DOP1B: variants seen among roughly 807,000 people sequenced by gnomAD.
DOP1B encodes the protein protein DOP1B.
A neutral mutation model predicts 233.5 loss-of-function variants in DOP1B; 174 were observed. The ratio of observed to expected loss-of-function variants is 0.75; its 90% CI spans 0.66 to 0.85. DOP1B has a LOEUF of 0.85. DOP1B is among the 40% of genes least tolerant of loss of function. The pLI is 0.00. For synonymous variants in DOP1B, 1,190 were observed against 1,185.6 expected (o/e 1.00, Z -0.08); for missense variants, 2,652 against 2,846.6 (o/e 0.93, Z 1.56).
At chr21:36,282,534 C>CACTGTCTCT (rs2067429291) in intron 32 of DOP1B, among the ~76,000 whole-genome samples, 1 of 152,178 alleles carries the variant, frequency 6.6e-6, no homozygotes, top group South Asian at 2.1e-4. Context: ...TAGAGTCCTC[C>CACTGTCTCT]TGCAGTCAAG....
intron 35 of DOP1B, 108 bp from the exon 36 acceptor site, chr21:36,291,996 G>A: frequency 7.8e-7 from 1 of 1,276,882 alleles, no homozygotes. Flanking sequence ...GCATTGAGTT[G>A]TCCATATTAA....
At chr21:36,227,410 G>C (rs932766245) in intron 12 of DOP1B, among the ~76,000 whole-genome samples, 7 of 151,322 alleles carry the variant, frequency 4.6e-5, no homozygotes, top group Middle Eastern at 3.4e-3. Flanking sequence ...AGCCGGGCGT[G>C]GTGGTGGGCA....
intron 23 of DOP1B, among the ~76,000 whole-genome samples, chr21:36,257,680 AGATGTAGGTAGGTAGGTAGAGAGATG>A (rs2067118725): frequency 6.6e-6 from 1 of 151,522 alleles, no homozygotes. Context: ...GTAGGTAGGT[AGATGTAGGTAGGTAGGTAGAGAGATG>A]GATGTAGGTA....
In DOP1B at chr21:36,216,740, C is replaced by G. The variant is rs116715369; in HGVS notation, c.1129+2184C>G. ...AGCCTAAGAATGTCATTTCAGTGCT[C>G]CAGGTGTACCTACCTCCTGGTAGCT... On this transcript the variant is annotated intron_variant, in intron 9 of 36. Coordinates refer to ENST00000691173, the MANE Select transcript of DOP1B (RefSeq NM_001320714.2). Among the ~76,000 whole-genome samples, 494 of 152,236 alleles carry G rather than the reference C, an allele frequency of 3.2e-3. 3 individuals carry two copies. Among genetic ancestry groups the G allele is most frequent in the African/African-American group, 0.011 (470 of 41,542 alleles).
At chr21:36,209,880 T>A (rs193204983) in intron 5 of DOP1B, among the ~76,000 whole-genome samples, 1 of 152,312 alleles carries the variant, frequency 6.6e-6, no homozygotes, top group African/African-American at 2.4e-5. Flanking sequence ...TGAGAAGATC[T>A]GCAGCTGAGT....
intron 2 of DOP1B, among the ~76,000 whole-genome samples, chr21:36,167,940 C>CTTTTTTTTT (rs869190433): frequency 6.3e-4 from 25 of 39,954 alleles, no homozygotes; most frequent in Admixed American, 7.1e-4. Context: ...TTTTCTTTTT[C>CTTTTTTTTT]TTTTTTTTTT....
chr21:36,289,375 GTGGCTCTGCAAATT>G (rs1447568259), intron 35 of DOP1B, among the ~76,000 whole-genome samples, 169 bp downstream of exon 35: 1 of 151,884 alleles, frequency 6.6e-6, no homozygotes, highest in African/African-American at 2.4e-5. Flanking sequence ...TGCAACATCT[GTGGCTCTGCAAATT>G]TGGCTCACAG....
At chr21:36,250,359 A>C (rs941380950) in intron 21 of DOP1B, among the ~76,000 whole-genome samples, 1 of 152,168 alleles carries the variant, frequency 6.6e-6, no homozygotes, top group East Asian at 1.9e-4. Context: ...AAGAGAGATG[A>C]AGTCCCTGCC....
At chr21:36,239,724 G>A (rs2066870986) in intron 17 of DOP1B, 41 bp from the exon 18 acceptor site, 1 of 1,494,052 alleles carries the variant, frequency 6.7e-7, no homozygotes. Context: ...GGCGCACAGG[G>A]GTGGCTGCGA....
intron 9 of DOP1B, among the ~76,000 whole-genome samples, chr21:36,215,267 C>T (rs1366106661): frequency 6.6e-6 from 1 of 152,104 alleles, no homozygotes; most frequent in Non-Finnish European, 1.5e-5. Flanking sequence ...AGAGTAAAAA[C>T]ATTTTCACTG....
chr21:36,257,511 C>T (rs2067113877), intron 23 of DOP1B, among the ~76,000 whole-genome samples: 1 of 152,158 alleles, frequency 6.6e-6, no homozygotes, highest in South Asian at 2.1e-4. Flanking sequence ...AGAGTCCTGC[C>T]TTGGGGCAGG....
At chr21:36,288,949 T>G (rs1484318758) in intron 34 of DOP1B, 96 bp from the exon 35 acceptor site, 1 of 1,531,092 alleles carries the variant, frequency 6.5e-7, no homozygotes, top group Non-Finnish European at 8.8e-7. Flanking sequence ...CAAAAATTTC[T>G]TAAAAAGAAA....
At chr21:36,267,643 T>TTTTTA (rs2067244738) in intron 26 of DOP1B, among the ~76,000 whole-genome samples, 1 of 150,586 alleles carries the variant, frequency 6.6e-6, no homozygotes, top group Non-Finnish European at 1.5e-5. Flanking sequence ...TTTTTTTTTT[T>TTTTTA]GAGATGGAGT....
intron 15 of DOP1B, among the ~76,000 whole-genome samples, chr21:36,234,054 G>T (rs1248927888): frequency 6.6e-6 from 1 of 151,848 alleles, no homozygotes; most frequent in East Asian, 1.9e-4. Context: ...GGGTTTTACC[G>T]CATTGGCCAG....
chr21:36,183,003 T>G (rs1380470256), intron 2 of DOP1B, among the ~76,000 whole-genome samples: 1 of 152,130 alleles, frequency 6.6e-6, no homozygotes, highest in Non-Finnish European at 1.5e-5. Flanking sequence ...GGGTGGGTGG[T>G]GGTCTGTGCA....
chr21:36,210,339 C>A (rs1480222187), intron 5 of DOP1B, among the ~76,000 whole-genome samples: 1 of 151,792 alleles, frequency 6.6e-6, no homozygotes, highest in Non-Finnish European at 1.5e-5. Context: ...TGAAACCCCA[C>A]GTTTATTAAA....
At chr21:36,191,187 T>C (rs1029682733) in intron 2 of DOP1B, among the ~76,000 whole-genome samples, 1 of 151,626 alleles carries the variant, frequency 6.6e-6, no homozygotes, top group Non-Finnish European at 1.5e-5. Flanking sequence ...AAGAGTGTCG[T>C]TGGGGGAAGG....
intron 32 of DOP1B, among the ~76,000 whole-genome samples, chr21:36,285,861 A>G (rs1250581123): frequency 6.6e-6 from 1 of 151,972 alleles, no homozygotes; most frequent in Non-Finnish European, 1.5e-5. Flanking sequence ...ACAAAAAGTT[A>G]GCTGAGCATG....
chr21:36,174,647 G>A (rs2066004589), intron 2 of DOP1B, among the ~76,000 whole-genome samples: 1 of 152,178 alleles, frequency 6.6e-6, no homozygotes, highest in Admixed American at 6.5e-5. Flanking sequence ...TGAGACTACA[G>A]GCATGTGTGC....
Sources: allele counts gnomAD v4.1 joint callset (sites outside exome capture counted in the v4.1 genomes callset), GRCh38; gene constraint gnomAD v4.1.1; transcripts MANE v1.5; gene names NCBI Gene and HGNC (gene_info 2026-07-23, HGNC 2026-07-21).